Variants in GLIS1 observed in about 807,000 individuals in gnomAD.
The protein encoded by GLIS1 is zinc finger protein GLIS1.
In GLIS1, 24 loss-of-function variants were observed where a neutral mutation model predicts 63.8. The observed-to-expected ratio is 0.38, with a 90% CI of 0.27 to 0.53. GLIS1 has a LOEUF of 0.53. Ranked by LOEUF, GLIS1 falls within the 20% of genes least tolerant of loss-of-function variation. The pLI is 0.85. For synonymous variants in GLIS1, 450 were observed against 482.5 expected (o/e 0.93, Z 0.88); for missense variants, 1,036 against 1,074.1 (o/e 0.96, Z 0.50).
intron 4 of GLIS1, among the ~76,000 whole-genome samples, chr1:53,568,913 T>C (rs766771982): frequency 3.3e-5 from 5 of 152,212 alleles, no homozygotes; most frequent in Non-Finnish European, 5.9e-5. Flanking sequence ...AACAGACTAA[T>C]ACAGTAGGTG....
chr1:53,519,120 C>T (rs1237365262), intron 7 of GLIS1, among the ~76,000 whole-genome samples: 3 of 152,236 alleles, frequency 2.0e-5, no homozygotes, highest in Non-Finnish European at 2.9e-5. Flanking sequence ...TAGGAGCTGG[C>T]ACTTGAGATA....
chr1:53,656,994 A>T (rs905592232), intron 2 of GLIS1, among the ~76,000 whole-genome samples: 4 of 147,376 alleles, frequency 2.7e-5, no homozygotes, highest in African/African-American at 9.8e-5. Context: ...AGAGGAACAC[A>T]ATCAATGAGC....
intron 4 of GLIS1, among the ~76,000 whole-genome samples, chr1:53,532,609 C>T (rs1018892855): frequency 2.0e-5 from 3 of 152,228 alleles, no homozygotes; most frequent in Non-Finnish European, 4.4e-5. Context: ...TGGCCTTGTG[C>T]CAAGTTCACC....
At chr1:53,710,764 G>A (rs571945927) in intron 2 of GLIS1, among the ~76,000 whole-genome samples, 2 of 152,272 alleles carry the variant, frequency 1.3e-5, no homozygotes, top group Admixed American at 6.5e-5. Context: ...TCGTGCAAAC[G>A]TGGTGCCTCC....
chr1:53,727,899 A>G (rs1028204601), intron 2 of GLIS1, among the ~76,000 whole-genome samples: 4 of 152,226 alleles, frequency 2.6e-5, no homozygotes, highest in African/African-American at 4.8e-5. Context: ...AGGGCAAGAA[A>G]AAAGAAAAAG....
At chr1:53,733,706 A>C (rs866812282) in intron 2 of GLIS1, among the ~76,000 whole-genome samples, 2 of 152,130 alleles carry the variant, frequency 1.3e-5, no homozygotes, top group East Asian at 1.9e-4. Context: ...ACCCACACAC[A>C]TACTTGTTTC....
At chr1:53,714,987 C>T (rs1646683220) in intron 2 of GLIS1, among the ~76,000 whole-genome samples, 1 of 152,180 alleles carries the variant, frequency 6.6e-6, no homozygotes, top group Non-Finnish European at 1.5e-5. Context: ...CACAATCATG[C>T]CTCACTGCAG....
intron 2 of GLIS1, among the ~76,000 whole-genome samples, chr1:53,679,172 C>G (rs1646247948): frequency 6.6e-6 from 1 of 152,104 alleles, no homozygotes; most frequent in South Asian, 2.1e-4. Flanking sequence ...CCCTGGACCT[C>G]TGATGGGAGG....
intron 2 of GLIS1, among the ~76,000 whole-genome samples, chr1:53,615,252 C>G (rs1277014879): frequency 1.3e-5 from 2 of 152,154 alleles, no homozygotes; most frequent in Admixed American, 1.3e-4. Context: ...TGGATGGAAA[C>G]AGGTGCATCC....
At chr1:53,534,691 A>C (rs1644565143) in intron 4 of GLIS1, among the ~76,000 whole-genome samples, 2 of 100,492 alleles carry the variant, frequency 2.0e-5, no homozygotes, top group South Asian at 3.8e-4. Context: ...GCTACTGTGC[A>C]CCCCCCATCC....
chr1:53,678,220 C>T (rs1270781605), intron 2 of GLIS1, among the ~76,000 whole-genome samples: 4 of 151,972 alleles, frequency 2.6e-5, no homozygotes, highest in Non-Finnish European at 5.9e-5. Context: ...TGTAGAGCCA[C>T]GCTGAGCTGC....
chr1:53,544,975 G>A (rs1644683209), intron 4 of GLIS1, among the ~76,000 whole-genome samples: 1 of 152,072 alleles, frequency 6.6e-6, no homozygotes, highest in Admixed American at 6.5e-5. Flanking sequence ...CCCAGAGAGG[G>A]CAAGGCTCCC....
At chr1:53,514,940 G>A (rs1644335551) in intron 7 of GLIS1, among the ~76,000 whole-genome samples, 159 bp from the exon 8 acceptor site, 2 of 152,022 alleles carry the variant, frequency 1.3e-5, no homozygotes, top group South Asian at 4.1e-4. Flanking sequence ...AGTGAGGGAG[G>A]TGCTGGCCCC....
rs777645960 is a variant in GLIS1 at position 53,594,798 on chromosome 1, C to T, written c.630G>A (p.Ala210=). 31 of 1,606,774 alleles carry T rather than the reference C, an allele frequency of 1.9e-5. 1 individual carries two copies. Among genetic ancestry groups the T allele is most frequent in the African/African-American group, 5.3e-5 (4 of 74,982 alleles). Residue 210 remains alanine (A), a synonymous_variant, in exon 4 of 11, where the codon GCG becomes GCA. Coordinates refer to ENST00000628545, the MANE Select transcript of GLIS1 (RefSeq NM_001367484.1). ...CGCTGCCCAGAAGGTAGCAGGAAGG[C>T]GCAGGGGTGGCGAGGCTTCGGCCCG... The part of the protein sequence containing the change: ...DLPGRSLATP[A]PSCYLLGSEP...
intron 2 of GLIS1, among the ~76,000 whole-genome samples, chr1:53,702,675 C>A (rs556021469): frequency 6.6e-6 from 1 of 152,226 alleles, no homozygotes; most frequent in East Asian, 1.9e-4. Flanking sequence ...TGACAGTCTG[C>A]CCTGAAATTC....
At chr1:53,687,096 T>C (rs896109613) in intron 2 of GLIS1, among the ~76,000 whole-genome samples, 2 of 152,168 alleles carry the variant, frequency 1.3e-5, no homozygotes, top group Non-Finnish European at 2.9e-5. Context: ...GGGCAGAGCA[T>C]GGACTGGAAC....
Position 53,506,569 on chromosome 1 carries a change from G to T in GLIS1, c.*50C>A, listed in dbSNP as rs951028457. ...GGAGGGTGGGAGCGACAGCAGGTGG[G>T]CGAGGTGGCATCTGCAGTGCTGGAT... On this transcript the variant is annotated 3_prime_UTR_variant, in exon 11 of 11. Coordinates refer to ENST00000628545, the MANE Select transcript of GLIS1 (RefSeq NM_001367484.1). 3.2e-6 allele frequency: 5 copies of T among 1,581,412 alleles called. No individual in the cohort carries two copies. Among genetic ancestry groups the T allele is most frequent in the Non-Finnish European group, 4.3e-6 (5 of 1,155,046 alleles).
intron 4 of GLIS1, among the ~76,000 whole-genome samples, chr1:53,592,360 G>A (rs1645200230): frequency 6.6e-6 from 1 of 152,242 alleles, no homozygotes; most frequent in Admixed American, 6.5e-5. Context: ...GAAGCCAGGT[G>A]TAAGCCAGTG....
chr1:53,612,452 G>A lies in GLIS1; in HGVS notation c.260-12174C>T, dbSNP rs574764181. 5.3e-5 allele frequency among the ~76,000 whole-genome samples: 8 copies of A among 152,244 alleles called. No individual in the cohort carries two copies. In the East Asian group the frequency reaches 1.4e-3, roughly 26 times the overall value. The stretch of plus-strand genomic sequence containing the variant: ...AGACGGGGTTTCACTGTGTTAGCCA[G>A]AATAGTCTCAATCTCCTGACCTCGT... On this transcript the variant is annotated intron_variant, in intron 2 of 10. Coordinates refer to ENST00000628545, the MANE Select transcript of GLIS1 (RefSeq NM_001367484.1).
Sources: gnomAD v4.1 joint callset for allele counts (sites outside exome capture counted in the v4.1 genomes callset) on GRCh38, gnomAD v4.1.1 for gene constraint, MANE v1.5 for transcripts, NCBI Gene and HGNC (gene_info 2026-07-23, HGNC 2026-07-21) for gene names.